The following CCDC90B variants were observed in gnomAD, a reference collection of about 807,000 sequenced individuals.
CCDC90B encodes coiled-coil domain containing 90B, also known as coiled-coil domain-containing protein 90B, mitochondrial.
A neutral mutation model predicts 37.0 loss-of-function variants in CCDC90B; 24 were observed. The ratio of observed to expected loss-of-function variants is 0.65; its 90% CI spans 0.47 to 0.91. The LOEUF (loss-of-function observed/expected upper bound fraction) is 0.91, where lower values mean the gene tolerates loss of function less well. Ranked by LOEUF, CCDC90B falls within the 40% of genes least tolerant of loss-of-function variation. CCDC90B has a pLI of 0.00. For synonymous variants in CCDC90B, 113 were observed against 101.1 expected (o/e 1.12, Z -0.71); for missense variants, 319 against 299.0 (o/e 1.07, Z -0.49).
chr11:83,282,272 C>T (rs751118317), intron 1 of CCDC90B, among the ~76,000 whole-genome samples: 59 of 152,210 alleles, frequency 3.9e-4, no homozygotes, highest in Non-Finnish European at 2.6e-4. Context: ...ACTGCATTAT[C>T]GTTAGCTTAG....
chr11:83,274,847 A>G (rs949548144), intron 3 of CCDC90B, 107 bp from the exon 4 acceptor site: 1 of 649,234 alleles, frequency 1.5e-6, no homozygotes, highest in African/African-American at 1.9e-5. Context: ...GCTACAAGGT[A>G]TAATGTTGAC....
intron 3 of CCDC90B, among the ~76,000 whole-genome samples, chr11:83,276,722 G>A (rs571533059): frequency 6.6e-6 from 1 of 152,146 alleles, no homozygotes; most frequent in South Asian, 2.1e-4. Context: ...CTACAAAACT[G>A]CACAGGTGTC....
chr11:83,260,947 TG>T lies in CCDC90B; in HGVS notation c.*963del, dbSNP rs1468497174. 7 of 152,218 alleles carry T rather than the reference TG, an allele frequency of 4.6e-5. No homozygotes were observed. Among genetic ancestry groups the T allele is most frequent in the African/African-American group, 1.7e-4 (7 of 41,462 alleles). The allele number at this position is 152,218 out of a possible 1,614,324, so 9.4% of individuals were successfully genotyped here. A position where few individuals can be genotyped will look rare whatever the true frequency, so the allele number is the denominator to read the frequency against. ...TTTGTTTTATGTAATAAATTTAAGA[TG>T]GGTTAACTTAAACTACATTAAGAAG... On this transcript the variant is annotated 3_prime_UTR_variant, in exon 9 of 9. Transcript: ENST00000529689.
At chr11:83,274,322 A>G (rs919284075) in intron 4 of CCDC90B, 3 of 276,128 alleles carry the variant, frequency 1.1e-5, no homozygotes, top group Non-Finnish European at 2.0e-5. Flanking sequence ...ACAGGATTAA[A>G]TAAAATAGAA....
chr11:83,280,464 T>A (rs546723022), intron 1 of CCDC90B, among the ~76,000 whole-genome samples: 1 of 152,336 alleles, frequency 6.6e-6, no homozygotes, highest in East Asian at 1.9e-4. Context: ...AAACATTCAA[T>A]AAATGTTTCT....
At chr11:83,274,829 G>T in intron 3 of CCDC90B, 89 bp from the exon 4 acceptor site, 1 of 785,524 alleles carries the variant, frequency 1.3e-6, no homozygotes, top group South Asian at 1.6e-5. Flanking sequence ...AAATGAATTT[G>T]TTAACATGCT....
At chr11:83,285,074 T>C (rs1865599230) in intron 1 of CCDC90B, 1 of 1,051,218 alleles carries the variant, frequency 9.5e-7, no homozygotes, top group Admixed American at 4.8e-5. Context: ...AGTAACAATA[T>C]GGAGTATAAA....
At chr11:83,275,191 T>C (rs894476033) in intron 3 of CCDC90B, among the ~76,000 whole-genome samples, 1 of 152,250 alleles carries the variant, frequency 6.6e-6, no homozygotes, top group Non-Finnish European at 1.5e-5. Flanking sequence ...TAATTGCCCT[T>C]TGTCCGCACA....
At position 83,267,662 on chromosome 11, in the gene CCDC90B, A is replaced by G. The variant is rs148351382; in HGVS notation, c.595-1683T>C. 1.4e-3 allele frequency among the ~76,000 whole-genome samples: 206 copies of G among 152,310 alleles called. 1 individual carries two copies. The highest frequency in any genetic ancestry group is 4.7e-3 in the African/African-American group (195 of 41,590). On this transcript the variant is annotated intron_variant, in intron 7 of 8. Transcript: ENST00000529689. ...GATTGGTGTACCTGAAAGTGGGAGA[A>G]TGGAACCAAGTTGGAAAACACTTCA... is the stretch of plus-strand genomic sequence containing the variant.
In CCDC90B at chr11:83,265,595, T is replaced by A. The variant is rs115816535; in HGVS notation, c.709+270A>T. Among the ~76,000 whole-genome samples, 3,087 of 152,228 alleles carry A rather than the reference T, an allele frequency of 0.02. 96 individuals are homozygous for A. Among genetic ancestry groups the A allele is most frequent in the African/African-American group, 0.07 (2,907 of 41,510 alleles). On this transcript the variant is annotated intron_variant, in intron 8 of 8. Transcript: ENST00000529689. ...GACAGAAGCTTAACATTTAGAACTG[T>A]CCAATACTACACCCTATATGTTCCT...
At chr11:83,278,344 G>A (rs1865168744) in intron 3 of CCDC90B, among the ~76,000 whole-genome samples, 1 of 152,156 alleles carries the variant, frequency 6.6e-6, no homozygotes, top group Non-Finnish European at 1.5e-5. Context: ...CTATGTCTGT[G>A]AAAATTAACC....
intron 7 of CCDC90B, among the ~76,000 whole-genome samples, chr11:83,270,513 A>G (rs981876776): frequency 1.3e-5 from 2 of 152,180 alleles, no homozygotes; most frequent in African/African-American, 4.8e-5. Context: ...TTAACAGACA[A>G]ACAGAGTCAA....
intron 7 of CCDC90B, chr11:83,273,140 T>C (rs1267791525): frequency 6.6e-6 from 1 of 152,072 alleles, no homozygotes; most frequent in Non-Finnish European, 1.5e-5. Context: ...GTTATTAATA[T>C]ATAGCTTTTT....
chr11:83,264,320 TAAAAA>T (rs1864113666), intron 8 of CCDC90B, among the ~76,000 whole-genome samples: 1 of 152,174 alleles, frequency 6.6e-6, no homozygotes, highest in Non-Finnish European at 1.5e-5. Flanking sequence ...TTGTAGACTA[TAAAAA>T]ATACGTGATC....
intron 8 of CCDC90B, among the ~76,000 whole-genome samples, chr11:83,262,679 C>T (rs1312982528): frequency 6.6e-6 from 1 of 152,138 alleles, no homozygotes; most frequent in East Asian, 1.9e-4. Flanking sequence ...TGAATAAAGA[C>T]ACAAGAAATT....
At chr11:83,279,905 G>A (rs1167552350) in intron 2 of CCDC90B, among the ~76,000 whole-genome samples, 1 of 151,066 alleles carries the variant, frequency 6.6e-6, no homozygotes, top group South Asian at 2.1e-4. Context: ...CACTTAATTG[G>A]AATAATTCTG....
intron 1 of CCDC90B, chr11:83,285,133 C>G: frequency 1.6e-6 from 2 of 1,260,776 alleles, no homozygotes; most frequent in Non-Finnish European, 2.0e-6. Flanking sequence ...GTACCTGGCA[C>G]TGAAGATTCA....
In CCDC90B at chr11:83,278,720, T is replaced by C. The variant is rs1865195195; in HGVS notation, c.324+6A>G. On this transcript the variant is annotated splice_donor_region_variant and intron_variant, in intron 3 of 8. Transcript: ENST00000529689. Reference sequence around the variant, plus strand: ...GTATCAGAAGTGATAGTAATCAGTGTATTACCTGTTGAGCTTGAGTGACCA... The same window carrying C: ...GTATCAGAAGTGATAGTAATCAGTGCATTACCTGTTGAGCTTGAGTGACCA... 1 of 1,553,012 alleles carries C rather than the reference T, an allele frequency of 6.4e-7. No homozygotes were observed. The highest frequency in any genetic ancestry group is 8.9e-7 in the Non-Finnish European group (1 of 1,126,110).
chr11:83,271,103 C>T (rs1426585708), intron 7 of CCDC90B, among the ~76,000 whole-genome samples: 1 of 152,192 alleles, frequency 6.6e-6, no homozygotes, highest in Non-Finnish European at 1.5e-5. Context: ...CCCTTCCTTA[C>T]ACCTTATACA....
Sources: gnomAD v4.1 joint callset for allele counts (sites outside exome capture counted in the v4.1 genomes callset) on GRCh38, gnomAD v4.1.1 for gene constraint, MANE v1.5 for transcripts, NCBI Gene and HGNC (gene_info 2026-07-23, HGNC 2026-07-21) for gene names.